Variants in THAP5 observed in about 807,000 individuals in gnomAD.
The protein encoded by THAP5 is THAP domain-containing protein 5.
In THAP5, 26 loss-of-function variants were observed where a neutral mutation model predicts 34.0. The observed-to-expected ratio is 0.77, with a 90% CI of 0.56 to 1.06. The LOEUF (loss-of-function observed/expected upper bound fraction) is 1.06, where lower values mean the gene tolerates loss of function less well. Ranked by LOEUF, THAP5 falls within the 50% of genes least tolerant of loss-of-function variation. The pLI is 0.00. For missense variants in THAP5, 394 were observed against 452.8 expected, an observed-to-expected ratio of 0.87 and a Z score of 1.18; for synonymous variants, 125 against 153.0, an observed-to-expected ratio of 0.82 and a Z score of 1.35.
intron 1 of THAP5, 86 bp from the exon 2 acceptor site, chr7:108,566,108 G>A (rs1790482913): frequency 1.7e-6 from 2 of 1,146,808 alleles, no homozygotes; most frequent in Non-Finnish European, 2.4e-6. Context: ...ATATATCTGG[G>A]TAACCTATGC....
At chr7:108,550,948 C>T (rs1864349724), downstream of THAP5, among the ~76,000 whole-genome samples, 1 of 152,008 alleles carries the variant, frequency 6.6e-6, no homozygotes, top group South Asian at 2.1e-4. Context: ...TTTTTTTGTT[C>T]TACTTTTTGG....
chr7:108,560,114 G>C (rs1864415898), downstream of THAP5, among the ~76,000 whole-genome samples: 1 of 152,094 alleles, frequency 6.6e-6, no homozygotes, highest in African/African-American at 2.4e-5. Flanking sequence ...TCTCTTATAA[G>C]ATTACATGTT....
downstream of THAP5, among the ~76,000 whole-genome samples, chr7:108,550,191 C>T (rs184494687): frequency 1.0e-3 from 158 of 152,280 alleles, 1 homozygote; most frequent in South Asian, 8.3e-3. Flanking sequence ...TCAGAATTTT[C>T]AGATTATTAA....
chr7:108,558,939 A>G (rs1019994790), downstream of THAP5, among the ~76,000 whole-genome samples: 3 of 152,246 alleles, frequency 2.0e-5, no homozygotes, highest in African/African-American at 7.2e-5. Flanking sequence ...TTTAAAAGAC[A>G]TCTATAAGAA....
the THAP5 span, among the ~76,000 whole-genome samples, chr7:108,546,817 C>G: frequency 1.3e-5 from 2 of 152,126 alleles, no homozygotes; most frequent in Non-Finnish European, 2.9e-5. Context: ...GTGATGATAC[C>G]TAGTAATGTG....
intron 1 of THAP5, among the ~76,000 whole-genome samples, chr7:108,556,571 C>T (rs981526824): frequency 2.0e-5 from 3 of 152,172 alleles, no homozygotes; most frequent in Admixed American, 2.0e-4. Context: ...CTTTTGACTC[C>T]ATGTCTCATA....
chr7:108,562,335 ACT>A lies in THAP5; in HGVS notation c.*1854_*1855del, dbSNP rs778498600. 11 of 152,042 alleles carry A rather than the reference ACT, an allele frequency of 7.2e-5. No individual in the cohort carries two copies. The highest frequency in any genetic ancestry group is 1.5e-4 in the Non-Finnish European group (10 of 67,998). The allele number at this position is 152,042 out of a possible 1,614,324, so 9.4% of individuals were successfully genotyped here. A position where few individuals can be genotyped will look rare whatever the true frequency, so the allele number is the denominator to read the frequency against. ...AGGAATACTTAATAACACTGTAATA[ACT>A]CTATCATCTCCCCATAATTTATGCA... On this transcript the variant is annotated 3_prime_UTR_variant, in exon 3 of 3. Transcript: ENST00000415914.
In THAP5 at chr7:108,562,645, A is replaced by G. The variant is rs906165948; in HGVS notation, c.*1546T>C. ...AATAGTACGTTCTACTTAACAGATG[A>G]AAAAACTAAGAATCAGACTGATACA... On this transcript the variant is annotated 3_prime_UTR_variant, in exon 3 of 3. Transcript: ENST00000415914. 6.6e-6 allele frequency: 1 copy of G among 152,214 alleles called. No homozygotes were observed. Among genetic ancestry groups the G allele is most frequent in the Non-Finnish European group, 1.5e-5 (1 of 68,032 alleles). The allele number at this position is 152,214 out of a possible 1,614,324, so 9.4% of individuals were successfully genotyped here.
rs372778260 is a variant in THAP5 at position 108,564,284 on chromosome 7, A to G, written c.1095T>C (p.Leu365=). ...AGTTTTCCTGCTTTAGCTGCCTTAT[A>G]AGAGCTTCCAAAGACTTCAATCTAC... The part of the protein sequence containing the change: ...TLGRLKSLEA[L]IRQLKQENWL... Residue 365 remains leucine (L), a synonymous_variant, in exon 3 of 3, where the codon CTT becomes CTC. Coordinates refer to ENST00000415914, the MANE Select transcript of THAP5 (RefSeq NM_001130475.3). The G allele has an allele frequency of 9.3e-6, 15 of 1,613,676 alleles. No homozygotes were observed. The highest frequency in any genetic ancestry group is 1.0e-5 in the Non-Finnish European group (12 of 1,179,864).
At chr7:108,542,061 C>A in the THAP5 span, among the ~76,000 whole-genome samples, 1 of 152,084 alleles carries the variant, frequency 6.6e-6, no homozygotes, top group Non-Finnish European at 1.5e-5. Context: ...GGAAAAAAAA[C>A]CCTTAAATTC....
chr7:108,549,361 C>T, the THAP5 span, among the ~76,000 whole-genome samples: 391 of 152,260 alleles, frequency 2.6e-3, 1 homozygote, highest in African/African-American at 7.8e-3. Flanking sequence ...ACCTCATGAT[C>T]CGCCCGCCTC....
rs869034514 is a variant in THAP5 at position 108,563,537 on chromosome 7, C to CAAAAAAAA, written c.*646_*653dup. ...TGGGTTACAGAGTGAGACTCCATCT[C>CAAAAAAAA]AAAAAAAAAAAAAAAAAAAAAAAAA... On this transcript the variant is annotated 3_prime_UTR_variant, in exon 3 of 3. Transcript: ENST00000415914. The CAAAAAAAA allele has an allele frequency of 1.9e-4, 13 of 68,444 alleles. 2 individuals carry two copies. Among genetic ancestry groups the CAAAAAAAA allele is most frequent in the African/African-American group, 2.3e-4 (4 of 17,176 alleles). 4.2% of individuals were successfully genotyped at this position (68,444 alleles called of 1,614,324 possible).
chr7:108,564,280 T>G lies in THAP5; in HGVS notation c.1099A>C (p.Arg367=), dbSNP rs1395915214. ...GRLKSLEALI[R]QLKQENWLSE... ...AGCCAGTTTTCCTGCTTTAGCTGCCTTATAAGAGCTTCCAAAGACTTCAAT... is the reference window on the plus strand; with the variant it reads ...AGCCAGTTTTCCTGCTTTAGCTGCCGTATAAGAGCTTCCAAAGACTTCAAT... The change falls in exon 3 of 3, where the codon AGG becomes CGG. Residue 367 remains arginine (R), a synonymous_variant. Transcript: ENST00000415914. The G allele has an allele frequency of 6.2e-7, 1 of 1,613,700 alleles. No individual in the cohort carries two copies. The highest frequency in any genetic ancestry group is 2.2e-5 in the East Asian group (1 of 44,812).
downstream of THAP5, among the ~76,000 whole-genome samples, chr7:108,558,381 G>GTATGTATATATATATATATATA (rs1554694585): frequency 1.1e-5 from 1 of 93,822 alleles, no homozygotes; most frequent in African/African-American, 4.6e-5. Flanking sequence ...GTGTGTGTAT[G>GTATGTATATATATATATATATA]TATATATATA....
At chr7:108,561,062 G>A (rs1005522059), downstream of THAP5, among the ~76,000 whole-genome samples, 2 of 152,072 alleles carry the variant, frequency 1.3e-5, no homozygotes, top group South Asian at 4.1e-4. Context: ...TTGGATTCCC[G>A]AGACCCTGGT....
downstream of THAP5, among the ~76,000 whole-genome samples, chr7:108,558,377 G>GTGTGTGTATATATATATATATATA (rs1401164750): frequency 9.0e-3 from 559 of 62,246 alleles, 13 homozygotes; most frequent in Non-Finnish European, 0.011. Context: ...ATGTGTGTGT[G>GTGTGTGTATATATATATATATATA]TATGTATATA....
chr7:108,549,101 C>CACACACACAT, the THAP5 span, among the ~76,000 whole-genome samples: 291 of 149,434 alleles, frequency 1.9e-3, no homozygotes, highest in Admixed American at 4.9e-3. Context: ...CACACACACA[C>CACACACACAT]ACACACACAC....
chr7:108,549,520 C>G, the THAP5 span, among the ~76,000 whole-genome samples: 1 of 152,168 alleles, frequency 6.6e-6, no homozygotes, highest in African/African-American at 2.4e-5. Context: ...CTACCCCTTG[C>G]TTCTGACCCA....
chr7:108,555,687 A>C (rs1483644608), intron 1 of THAP5, among the ~76,000 whole-genome samples: 1 of 149,006 alleles, frequency 6.7e-6, no homozygotes, highest in Non-Finnish European at 1.5e-5. Flanking sequence ...GTGAAGGGGA[A>C]GCAAGCACCT....
Sources: allele counts gnomAD v4.1 joint callset (sites outside exome capture counted in the v4.1 genomes callset), GRCh38; gene constraint gnomAD v4.1.1; transcripts MANE v1.5; gene names NCBI Gene and HGNC (gene_info 2026-07-23, HGNC 2026-07-21).